Variants in LARP1 observed in about 807,000 individuals in gnomAD.
The protein encoded by LARP1 is la-related protein 1.
LARP1 carries 36 observed loss-of-function variants against 122.7 expected under a neutral mutation model. That is an observed-to-expected ratio of 0.29 (90% CI 0.22 to 0.39). The LOEUF (loss-of-function observed/expected upper bound fraction) is 0.39. Among genes scored for constraint, LARP1 ranks in the 10% least tolerant of loss-of-function variants. The probability of loss-of-function intolerance (pLI) is 1.00; values close to 1 mark genes in which losing one functional copy is unlikely to be tolerated. For missense variants in LARP1, 1,040 were observed against 1,403.6 expected (o/e 0.74, Z 4.14); for synonymous variants, 539 against 528.7 (o/e 1.02, Z -0.27).
At chr5:154,697,424 A>G (rs1457745152) in intron 1 of LARP1, among the ~76,000 whole-genome samples, 1 of 152,146 alleles carries the variant, frequency 6.6e-6, no homozygotes, top group East Asian at 1.9e-4. Flanking sequence ...TTCAAAAGTG[A>G]AAGGAAGAAA....
intron 1 of LARP1, among the ~76,000 whole-genome samples, chr5:154,734,801 C>T (rs1280945186): frequency 6.6e-6 from 1 of 152,174 alleles, no homozygotes; most frequent in Non-Finnish European, 1.5e-5. Flanking sequence ...TGAAACTCTG[C>T]ACCCATTAAA....
chr5:154,737,434 CTCTT>C (rs1361699497), intron 1 of LARP1, among the ~76,000 whole-genome samples: 2 of 127,460 alleles, frequency 1.6e-5, no homozygotes, highest in African/African-American at 6.1e-5. Flanking sequence ...TGGAATTTTT[CTCTT>C]TTTTTTTTTT....
intron 1 of LARP1, among the ~76,000 whole-genome samples, chr5:154,776,092 T>A (rs939435198): frequency 1.3e-5 from 2 of 152,152 alleles, no homozygotes; most frequent in African/African-American, 4.8e-5. Flanking sequence ...AGAGTATCCC[T>A]TGAGCCCAGG....
chr5:154,755,765 C>G lies in LARP1; in HGVS notation c.8C>G (p.Thr3Ser). 1 of 988,070 alleles carries G rather than the reference C, an allele frequency of 1.0e-6. No individual in the cohort carries two copies. Among genetic ancestry groups the G allele is most frequent in the Non-Finnish European group, 1.2e-6 (1 of 830,990 alleles). The allele number at this position is 988,070 out of a possible 1,614,324, so 61.2% of individuals were successfully genotyped here. A position where few individuals can be genotyped will look rare whatever the true frequency, so the allele number is the denominator to read the frequency against. The change falls in exon 1 of 19, where the codon ACT becomes AGT. Residue 3 changes from threonine to serine, a missense_variant. Transcript: ENST00000518297. The part of the protein sequence containing the change: MA[T>S]QVEPLLPGGA... ...GGGGGGGCGGGCGCGCAGATGGCCA[C>G]TCAGGTGGAGCCGCTGCTGCCTGGG... is the stretch of plus-strand genomic sequence containing the variant.
rs536241757 is a variant in LARP1, at chr5:154,721,490, G to A, written c.205+8360G>A. ...AGAAGTGAAGGGGTCCTACGTTACC[G>A]TTACCATTTGGTGGCAGGTTTGGGG... On this transcript the variant is annotated intron_variant, in intron 1 of 18. Coordinates refer to the LARP1 transcript ENST00000336314. 7.2e-5 allele frequency among the ~76,000 whole-genome samples: 11 copies of A among 152,220 alleles called. 1 individual carries two copies. Among genetic ancestry groups the A allele is most frequent in the Admixed American group, 5.9e-4 (9 of 15,258 alleles).
chr5:154,796,142 A>G (rs1459385409), intron 8 of LARP1, among the ~76,000 whole-genome samples: 9 of 126,016 alleles, frequency 7.1e-5, no homozygotes, highest in Non-Finnish European at 1.1e-4. Context: ...TTATATATTT[A>G]TATATTATAT....
chr5:154,790,421 TC>T, intron 2 of LARP1, 35 bp downstream of exon 2: 1 of 1,595,022 alleles, frequency 6.3e-7, no homozygotes, highest in Non-Finnish European at 8.6e-7. Flanking sequence ...AAGGGGACTT[TC>T]TGGAGTTGGT....
intron 1 of LARP1, among the ~76,000 whole-genome samples, chr5:154,745,920 C>T (rs575267209): frequency 3.9e-5 from 6 of 152,188 alleles, no homozygotes; most frequent in Non-Finnish European, 8.8e-5. Context: ...CTTAGCCTTC[C>T]GAGTACCTGG....
At chr5:154,748,315 A>G (rs1753309298) in intron 1 of LARP1, among the ~76,000 whole-genome samples, 2 of 152,228 alleles carry the variant, frequency 1.3e-5, no homozygotes, top group Non-Finnish European at 2.9e-5. Flanking sequence ...CTTTGTTCAG[A>G]AAAGACTGAG....
At chr5:154,717,212 C>T in intron 1 of LARP1, among the ~76,000 whole-genome samples, 1 of 152,138 alleles carries the variant, frequency 6.6e-6, no homozygotes, top group Non-Finnish European at 1.5e-5. Flanking sequence ...ACTTGAGCTG[C>T]TGCTTTTAAA....
intron 1 of LARP1, among the ~76,000 whole-genome samples, chr5:154,690,330 A>G (rs1754133811): frequency 6.6e-6 from 1 of 152,160 alleles, no homozygotes; most frequent in Non-Finnish European, 1.5e-5. Flanking sequence ...GGTTTGTCAA[A>G]TTCATAGGTA....
In LARP1 at chr5:154,795,192, T is replaced by C. The variant is rs949198553; in HGVS notation, c.1250T>C (p.Val417Ala). 1.2e-6 allele frequency: 2 copies of C among 1,614,012 alleles called. No homozygotes were observed. ...IKRQIEYYFS[V>A]DNLERDFFLR... is the part of the protein sequence containing the mutation. ...CCACTTAGTGAATACTACTTCAGCGTGGACAATTTAGAGCGAGACTTCTTC... is the reference window on the plus strand; with the variant it reads ...CCACTTAGTGAATACTACTTCAGCGCGGACAATTTAGAGCGAGACTTCTTC... Residue 417 changes from valine to alanine, a missense_variant, in exon 8 of 19, where the codon GTG becomes GCG. This residue lies in a region of LARP1 where 362 missense variants were observed against 533.1 expected (regional missense o/e 0.68). Transcript: ENST00000518297.
At chr5:154,721,071 G>A (rs1300794191) in intron 1 of LARP1, among the ~76,000 whole-genome samples, 5 of 151,738 alleles carry the variant, frequency 3.3e-5, no homozygotes, top group Non-Finnish European at 5.9e-5. Flanking sequence ...TGCTGGGCAC[G>A]GTGGTTCACA....
chr5:154,756,660 G>C (rs777537296), intron 1 of LARP1: 1 of 253,660 alleles, frequency 3.9e-6, no homozygotes, highest in Non-Finnish European at 6.2e-6. Flanking sequence ...GCAACCCAGT[G>C]CCCGGCGCGG....
At chr5:154,798,150 A>G (rs1758041664) in intron 8 of LARP1, among the ~76,000 whole-genome samples, 1 of 152,072 alleles carries the variant, frequency 6.6e-6, no homozygotes, top group African/African-American at 2.4e-5. Context: ...CTACCCCTAT[A>G]ATTTTCTAAG....
chr5:154,729,966 T>G (rs923722552), intron 1 of LARP1, among the ~76,000 whole-genome samples: 5 of 152,204 alleles, frequency 3.3e-5, no homozygotes, highest in Admixed American at 1.3e-4. Flanking sequence ...GTGACTTTAG[T>G]AAGATACTGG....
At chr5:154,797,227 T>G (rs1290115482) in intron 8 of LARP1, among the ~76,000 whole-genome samples, 4 of 102,364 alleles carry the variant, frequency 3.9e-5, no homozygotes, top group Admixed American at 1.1e-4. Flanking sequence ...TGTTGTTTTT[T>G]TTTTTTTTTT....
chr5:154,776,227 G>A (rs1465840146), intron 1 of LARP1, among the ~76,000 whole-genome samples: 1 of 152,188 alleles, frequency 6.6e-6, no homozygotes, highest in African/African-American at 2.4e-5. Flanking sequence ...GTTCGGCTGT[G>A]AGGCAAAAGC....
rs183264308 is a variant in LARP1, at chr5:154,756,358, C to G, written c.436+165C>G. ...ATCCTGGTCGCCGCGCCCTCCCCCC[C>G]ACCGTACACTCAGGGACCTGCCCCT... On this transcript the variant is annotated intron_variant, in intron 1 of 18. Transcript: ENST00000518297. 74 of 966,308 alleles carry G rather than the reference C, an allele frequency of 7.7e-5. No homozygotes were observed. The African/African-American group carries it at 1.3e-3, about 16-fold the overall frequency. 59.9% of individuals were successfully genotyped at this position (966,308 alleles called of 1,614,324 possible).
Sources: gnomAD v4.1 joint callset for allele counts (sites outside exome capture counted in the v4.1 genomes callset) on GRCh38, gnomAD v4.1.1 for gene constraint, gnomAD v4.1.1 regional missense constraint, MANE v1.5 for transcripts, NCBI Gene and HGNC (gene_info 2026-07-23, HGNC 2026-07-21) for gene names.